GNAQ: variants seen among roughly 807,000 people sequenced by gnomAD.
The protein encoded by GNAQ is guanine nucleotide-binding protein G(q) subunit alpha.
A neutral mutation model predicts 43.9 loss-of-function variants in GNAQ; 8 were observed. The observed-to-expected ratio is 0.18, with a 90% CI of 0.11 to 0.33. The LOEUF (loss-of-function observed/expected upper bound fraction) is 0.33, where lower values mean the gene tolerates loss of function less well. GNAQ is among the 10% of genes least tolerant of loss of function. GNAQ has a pLI of 1.00. For synonymous variants in GNAQ, 155 were observed against 170.7 expected (o/e 0.91, Z 0.71); for missense variants, 158 against 450.8 (o/e 0.35, Z 5.88).
At chr9:77,956,632 G>A (rs750903737) in intron 1 of GNAQ, among the ~76,000 whole-genome samples, 3 of 152,172 alleles carry the variant, frequency 2.0e-5, no homozygotes, top group Non-Finnish European at 4.4e-5. Context: ...CTTCAATGGT[G>A]AGTACAGAGC....
chr9:77,926,603 A>G, intron 1 of GNAQ, among the ~76,000 whole-genome samples: 1 of 152,196 alleles, frequency 6.6e-6, no homozygotes, highest in Admixed American at 6.5e-5. Flanking sequence ...GGGGAGGGAT[A>G]AGGATCTCAT....
intron 2 of GNAQ, among the ~76,000 whole-genome samples, chr9:77,845,855 A>G (rs1827575340): frequency 1.3e-5 from 2 of 152,358 alleles, no homozygotes; most frequent in South Asian, 2.1e-4. Flanking sequence ...ACTAGTATAG[A>G]TAAGAGGGTC....
intron 2 of GNAQ, among the ~76,000 whole-genome samples, chr9:77,892,717 C>A (rs1327285132): frequency 6.6e-6 from 1 of 152,134 alleles, no homozygotes; most frequent in African/African-American, 2.4e-5. Context: ...ATATGCTACT[C>A]ATTCTCACTT....
At chr9:77,921,267 T>C (rs915165125) in intron 2 of GNAQ, among the ~76,000 whole-genome samples, 1 of 152,176 alleles carries the variant, frequency 6.6e-6, no homozygotes. Flanking sequence ...AAATTCCAAA[T>C]AGATATCCCT....
Position 77,797,628 on chromosome 9 carries a change from C to T in GNAQ, c.497G>A (p.Arg166His), listed in dbSNP as rs2118456511. The part of the protein sequence containing the change: ...STKYYLNDLD[R>H]VADPAYLPTQ... ...AGGCAGGTAGGCAGGGTCAGCTACGCGGTCCAAGTCATTAAGATAGCTAGA... is the reference window on the plus strand; with the variant it reads ...AGGCAGGTAGGCAGGGTCAGCTACGTGGTCCAAGTCATTAAGATAGCTAGA... The change falls in exon 4 of 7, where the codon CGC becomes CAC. Residue 166 changes from arginine to histidine, a missense_variant. Coordinates refer to ENST00000286548, the MANE Select transcript of GNAQ (RefSeq NM_002072.5). The T allele has an allele frequency of 6.2e-7, 1 of 1,613,430 alleles. No homozygotes were observed. Among genetic ancestry groups the T allele is most frequent in the Non-Finnish European group, 8.5e-7 (1 of 1,179,594 alleles).
chr9:77,867,505 T>C (rs962700683), intron 2 of GNAQ, among the ~76,000 whole-genome samples: 2 of 152,196 alleles, frequency 1.3e-5, no homozygotes, highest in African/African-American at 4.8e-5. Flanking sequence ...TAAAACATTA[T>C]TAAGTGATTG....
intron 1 of GNAQ, among the ~76,000 whole-genome samples, chr9:77,947,495 C>T (rs1403294494): frequency 6.6e-6 from 1 of 152,170 alleles, no homozygotes; most frequent in African/African-American, 2.4e-5. Context: ...GTACAAGAAA[C>T]AGAAGTGTGT....
intron 2 of GNAQ, among the ~76,000 whole-genome samples, chr9:77,900,978 A>T (rs955171827): frequency 4.6e-5 from 7 of 152,148 alleles, no homozygotes; most frequent in Non-Finnish European, 7.3e-5. Flanking sequence ...CCACTGACCA[A>T]CAAACACACT....
intron 5 of GNAQ, among the ~76,000 whole-genome samples, chr9:77,774,688 C>T (rs1228485385): frequency 2.6e-5 from 4 of 152,124 alleles, no homozygotes; most frequent in East Asian, 1.9e-4. Flanking sequence ...GACTCCAACT[C>T]CTAGCCTGAA....
chr9:77,905,595 G>T (rs766665877), intron 2 of GNAQ, among the ~76,000 whole-genome samples: 6 of 152,164 alleles, frequency 3.9e-5, no homozygotes, highest in Admixed American at 3.3e-4. Context: ...ACAGGAACAT[G>T]GGGCATAAAC....
At chr9:77,985,937 A>G (rs1410471153) in intron 1 of GNAQ, among the ~76,000 whole-genome samples, 2 of 152,164 alleles carry the variant, frequency 1.3e-5, no homozygotes, top group African/African-American at 2.4e-5. Context: ...ATGAACTTTG[A>G]TCTTCTTGAC....
chr9:77,783,585 T>C (rs896385121), intron 5 of GNAQ, among the ~76,000 whole-genome samples: 8 of 152,182 alleles, frequency 5.3e-5, no homozygotes, highest in Admixed American at 3.9e-4. Context: ...GGGCTCCCAC[T>C]GCTGCTCTGA....
Position 77,964,200 on chromosome 9 carries a change from G to A in GNAQ, c.137-41855C>T, listed in dbSNP as rs146557617. Among the ~76,000 whole-genome samples, 1,077 of 152,046 alleles carry A rather than the reference G, an allele frequency of 7.1e-3. 19 individuals carry two copies. Among genetic ancestry groups the A allele is most frequent in the African/African-American group, 0.024 (996 of 41,458 alleles). On this transcript the variant is annotated intron_variant, in intron 1 of 6. Transcript: ENST00000286548. ...AACAATCATTTCATAATGATAAACC[G>A]GTTAACTTATCGAAAGGACATAACA...
chr9:78,019,959 T>C (rs935636454), intron 1 of GNAQ, among the ~76,000 whole-genome samples: 5 of 151,094 alleles, frequency 3.3e-5, no homozygotes, highest in Admixed American at 6.6e-5. Flanking sequence ...AAAGAGACTT[T>C]AGGAACCTTT....
intron 5 of GNAQ, among the ~76,000 whole-genome samples, chr9:77,770,931 GA>G (rs1187850870): frequency 1.3e-5 from 2 of 150,792 alleles, no homozygotes; most frequent in African/African-American, 2.5e-5. Context: ...TTCATTTTCT[GA>G]AAAAAATAAA....
chr9:77,757,354 C>T (rs1225879640), intron 5 of GNAQ, among the ~76,000 whole-genome samples: 1 of 152,160 alleles, frequency 6.6e-6, no homozygotes. Context: ...CATATCTACC[C>T]TTCACCAGAT....
At chr9:77,820,779 ACT>A (rs1394897282) in intron 2 of GNAQ, among the ~76,000 whole-genome samples, 3 of 152,146 alleles carry the variant, frequency 2.0e-5, no homozygotes, top group East Asian at 1.9e-4. Context: ...ATCAATAATA[ACT>A]CTGTCATGTA....
At chr9:77,763,352 G>A (rs1021906070) in intron 5 of GNAQ, among the ~76,000 whole-genome samples, 7 of 152,186 alleles carry the variant, frequency 4.6e-5, no homozygotes, top group South Asian at 2.1e-4. Flanking sequence ...AAAGCTAGGT[G>A]TGGTGGCTCA....
At chr9:77,868,074 AAGG>A (rs370591855) in intron 2 of GNAQ, among the ~76,000 whole-genome samples, 33 of 152,246 alleles carry the variant, frequency 2.2e-4, no homozygotes, top group African/African-American at 7.5e-4. Context: ...TAGATGCAAT[AAGG>A]AGAAGCATCA....
Sources: gnomAD v4.1 joint callset for allele counts (sites outside exome capture counted in the v4.1 genomes callset) on GRCh38, gnomAD v4.1.1 for gene constraint, MANE v1.5 for transcripts, NCBI Gene and HGNC (gene_info 2026-07-23, HGNC 2026-07-21) for gene names.